The following CCDC148 variants were observed in gnomAD, a reference collection of about 807,000 sequenced individuals.
CCDC148 encodes coiled-coil domain-containing protein 148.
CCDC148 carries 89 observed loss-of-function variants against 85.7 expected under a neutral mutation model. That is an observed-to-expected ratio of 1.04 (90% CI 0.87 to 1.24). CCDC148 has a LOEUF of 1.24. Among genes scored for constraint, CCDC148 ranks in the 50% most tolerant of loss-of-function variants. The pLI is 0.00. For missense variants in CCDC148, 692 were observed against 671.7 expected (o/e 1.03, Z -0.33); for synonymous variants, 230 against 213.9 (o/e 1.08, Z -0.66).
At chr2:158,341,795 C>T (rs1314210113) in intron 3 of CCDC148, among the ~76,000 whole-genome samples, 1 of 151,314 alleles carries the variant, frequency 6.6e-6, no homozygotes, top group South Asian at 2.1e-4. Flanking sequence ...AATTATAATC[C>T]TTTAATATAA....
intron 11 of CCDC148, among the ~76,000 whole-genome samples, chr2:158,196,271 T>C (rs1685663746): frequency 6.6e-6 from 1 of 152,210 alleles, no homozygotes; most frequent in Non-Finnish European, 1.5e-5. Flanking sequence ...AATTTATATC[T>C]ACTAAATCTG....
At chr2:158,224,148 A>T (rs1369613889) in intron 10 of CCDC148, among the ~76,000 whole-genome samples, 1 of 152,250 alleles carries the variant, frequency 6.6e-6, no homozygotes, top group East Asian at 1.9e-4. Context: ...CTGAAAACCA[A>T]GGCACGAGAA....
At chr2:158,260,417 A>C (rs975896323) in intron 9 of CCDC148, among the ~76,000 whole-genome samples, 20 of 151,972 alleles carry the variant, frequency 1.3e-4, no homozygotes, top group African/African-American at 4.6e-4. Flanking sequence ...TTGATTGGGC[A>C]AAAGCTGGAA....
At chr2:158,367,535 C>T (rs1407441656) in intron 1 of CCDC148, among the ~76,000 whole-genome samples, 4 of 152,110 alleles carry the variant, frequency 2.6e-5, no homozygotes, top group African/African-American at 9.7e-5. Flanking sequence ...CTACCTTGGT[C>T]TAACCCTGTC....
chr2:158,226,929 C>G (rs1394962187), intron 10 of CCDC148, among the ~76,000 whole-genome samples: 2 of 152,096 alleles, frequency 1.3e-5, no homozygotes, highest in African/African-American at 2.4e-5. Context: ...CACTCCTATT[C>G]AACATAGTGT....
Position 158,318,567 on chromosome 2 carries a change from T to C in CCDC148, c.765-4673A>G, listed in dbSNP as rs115771603. Among the ~76,000 whole-genome samples, 851 of 152,188 alleles carry C rather than the reference T, an allele frequency of 5.6e-3. 11 individuals are homozygous for C. The highest frequency in any genetic ancestry group is 0.02 in the African/African-American group (810 of 41,532). ...AGTTGCATTTTCCAAATAGCAAGCATATTGCTTTTACTTAGATTTTTTTTT... is the reference window on the plus strand; with the variant it reads ...AGTTGCATTTTCCAAATAGCAAGCACATTGCTTTTACTTAGATTTTTTTTT... On this transcript the variant is annotated intron_variant, in intron 7 of 13. Coordinates refer to ENST00000283233, the MANE Select transcript of CCDC148 (RefSeq NM_138803.4).
At chr2:158,353,684 C>T (rs547006012) in intron 2 of CCDC148, among the ~76,000 whole-genome samples, 8 of 152,238 alleles carry the variant, frequency 5.3e-5, no homozygotes, top group Admixed American at 2.6e-4. Context: ...AGAAAGTCAA[C>T]AAGGACACCC....
At chr2:158,270,543 A>C (rs186736421) in intron 9 of CCDC148, among the ~76,000 whole-genome samples, 2 of 152,210 alleles carry the variant, frequency 1.3e-5, no homozygotes, top group Non-Finnish European at 2.9e-5. Flanking sequence ...CATATAGAGA[A>C]CAATTCATAG....
At chr2:158,185,451 A>G (rs1685109745) in intron 11 of CCDC148, among the ~76,000 whole-genome samples, 1 of 152,178 alleles carries the variant, frequency 6.6e-6, no homozygotes, top group Non-Finnish European at 1.5e-5. Context: ...TTTGAGAATT[A>G]TTTCGGCAGC....
chr2:158,338,196 G>A (rs929967677), intron 7 of CCDC148, among the ~76,000 whole-genome samples: 6 of 152,192 alleles, frequency 3.9e-5, no homozygotes, highest in South Asian at 4.1e-4. Context: ...ATTTTAAATC[G>A]CTGAACATTA....
At chr2:158,334,785 C>G (rs539159605) in intron 7 of CCDC148, among the ~76,000 whole-genome samples, 1 of 151,876 alleles carries the variant, frequency 6.6e-6, no homozygotes, top group Non-Finnish European at 1.5e-5. Context: ...ATAGAACTTT[C>G]TAATTTATTT....
chr2:158,179,343 G>C (rs1390259074), intron 11 of CCDC148, among the ~76,000 whole-genome samples: 1 of 151,750 alleles, frequency 6.6e-6, no homozygotes, highest in African/African-American at 2.4e-5. Context: ...ATTTTTAGTA[G>C]AGACGGAGTT....
At chr2:158,335,206 C>G (rs1682307261) in intron 7 of CCDC148, among the ~76,000 whole-genome samples, 1 of 152,210 alleles carries the variant, frequency 6.6e-6, no homozygotes, top group Admixed American at 6.6e-5. Context: ...GCAGTAACGT[C>G]AGCCATGTGC....
intron 9 of CCDC148, among the ~76,000 whole-genome samples, chr2:158,301,339 A>G (rs534327778): frequency 5.3e-5 from 8 of 152,358 alleles, no homozygotes; most frequent in Admixed American, 4.6e-4. Context: ...CTATGAAGGT[A>G]AGAGAAAAGA....
At chr2:158,303,791 A>C (rs1014144900) in intron 9 of CCDC148, among the ~76,000 whole-genome samples, 7 of 152,160 alleles carry the variant, frequency 4.6e-5, no homozygotes, top group African/African-American at 1.7e-4. Flanking sequence ...AGGAGGCTAC[A>C]TTTTATGTTG....
chr2:158,344,774 A>T (rs1682910258), intron 3 of CCDC148, among the ~76,000 whole-genome samples: 2 of 152,154 alleles, frequency 1.3e-5, no homozygotes, highest in Admixed American at 6.5e-5. Context: ...CTCCTTGTTC[A>T]TTAGTTCATC....
chr2:158,224,873 G>T (rs1027458704), intron 10 of CCDC148, among the ~76,000 whole-genome samples: 1 of 151,988 alleles, frequency 6.6e-6, no homozygotes, highest in African/African-American at 2.4e-5. Context: ...AGACCATCGA[G>T]GCTAGGAAGA....
chr2:158,207,954 GACACACACACAC>G (rs34660144), intron 11 of CCDC148, among the ~76,000 whole-genome samples: 14 of 148,988 alleles, frequency 9.4e-5, no homozygotes, highest in East Asian at 4.0e-4. Flanking sequence ...ATTTTGATCT[GACACACACACAC>G]ACACACACAC....
rs1172046703 is a variant in CCDC148 at position 158,387,955 on chromosome 2, A to G, written c.26-29385T>C. Among the ~76,000 whole-genome samples, 4 of 152,166 alleles carry G rather than the reference A, an allele frequency of 2.6e-5. No homozygotes were observed. In the East Asian group the frequency reaches 7.7e-4, roughly 29 times the overall value. Reference sequence around the variant, plus strand: ...CCAACACCATAGTTTGGGCCACTGCAGTTCCCTCCCAGTTCCAGTGTAGAG... The same window carrying G: ...CCAACACCATAGTTTGGGCCACTGCGGTTCCCTCCCAGTTCCAGTGTAGAG... On this transcript the variant is annotated intron_variant, in intron 1 of 13. Transcript: ENST00000283233.
Sources: allele counts gnomAD v4.1 joint callset (sites outside exome capture counted in the v4.1 genomes callset), GRCh38; gene constraint gnomAD v4.1.1; transcripts MANE v1.5; gene names NCBI Gene and HGNC (gene_info 2026-07-23, HGNC 2026-07-21).